Variants in MYSM1 observed in about 807,000 individuals in gnomAD.
MYSM1 encodes Myb like, SWIRM and MPN domains 1.
In MYSM1, 51 loss-of-function variants were observed where a neutral mutation model predicts 116.0. The observed-to-expected ratio is 0.44, with a 90% CI of 0.35 to 0.56. The LOEUF (loss-of-function observed/expected upper bound fraction) is 0.56, where lower values mean the gene tolerates loss of function less well. Ranked by LOEUF, MYSM1 falls within the 20% of genes least tolerant of loss-of-function variation. The pLI, the probability that MYSM1 is intolerant of heterozygous loss-of-function variation, is 0.00. For missense variants in MYSM1, 900 were observed against 974.9 expected (o/e 0.92, Z 1.02); for synonymous variants, 313 against 315.2 (o/e 0.99, Z 0.07).
At chr1:58,678,743 G>C (rs1310671730) in intron 8 of MYSM1, among the ~76,000 whole-genome samples, 1 of 152,136 alleles carries the variant, frequency 6.6e-6, no homozygotes, top group African/African-American at 2.4e-5. Flanking sequence ...AGATATTTTA[G>C]ATAAGCCTCT....
intron 2 of MYSM1, 22 bp from the exon 3 acceptor site, chr1:58,692,953 T>A (rs1200814723): frequency 3.2e-6 from 5 of 1,563,732 alleles, no homozygotes; most frequent in Non-Finnish European, 4.3e-6. Flanking sequence ...GAGAATATAT[T>A]TGTCTTTTTA....
At chr1:58,669,077 G>C (rs1178716142) in intron 12 of MYSM1, 39 bp from the exon 13 acceptor site, 5 of 1,383,910 alleles carry the variant, frequency 3.6e-6, no homozygotes, top group Non-Finnish European at 5.0e-6. Flanking sequence ...ATCTCAACAA[G>C]ATTAGGAAAA....
chr1:58,668,487 G>C, intron 14 of MYSM1, 145 bp downstream of exon 14: 1 of 1,360,602 alleles, frequency 7.3e-7, no homozygotes, highest in Non-Finnish European at 9.5e-7. Context: ...TTCTCCAAAA[G>C]AAAAGACTTA....
At chr1:58,695,105 C>T (rs759391146) in intron 2 of MYSM1, 24 bp downstream of exon 2, 8 of 1,467,876 alleles carry the variant, frequency 5.5e-6, no homozygotes, top group African/African-American at 2.8e-5. Context: ...CTTAATGCAC[C>T]TGATATTTTT....
At chr1:58,698,216 T>C (rs1164563062) in intron 1 of MYSM1, among the ~76,000 whole-genome samples, 1 of 148,468 alleles carries the variant, frequency 6.7e-6, no homozygotes, top group African/African-American at 2.5e-5. Context: ...TTCTCCTGCC[T>C]CAGCCTCCCA....
intron 1 of MYSM1, among the ~76,000 whole-genome samples, chr1:58,698,104 T>TA (rs1557530217): frequency 2.6e-4 from 3 of 11,340 alleles, no homozygotes; most frequent in African/African-American, 8.7e-4. Flanking sequence ...ATATATATAT[T>TA]TTTTTTTTTT....
At chr1:58,674,786 G>A (rs1475429372) in intron 10 of MYSM1, among the ~76,000 whole-genome samples, 1 of 151,834 alleles carries the variant, frequency 6.6e-6, no homozygotes, top group East Asian at 1.9e-4. Context: ...AATTAGCTTG[G>A]TGTGATGGCG....
rs6587838 is a variant in MYSM1 at position 58,699,829 on chromosome 1, C to A, written c.68+156G>T. ...CCTGCCCGCTGGGCTTGGGACAAGC[C>A]GGCGGGCGAGGTGCCTCCCAGGCCA... On this transcript the variant is annotated intron_variant, in intron 1 of 19. Transcript: ENST00000472487. 2,046 of 985,380 alleles carry A rather than the reference C, an allele frequency of 2.1e-3. 29 individuals are homozygous for A. The African/African-American group carries it at 0.032, about 16-fold the overall frequency. The allele number at this position is 985,380 out of a possible 1,614,324, so 61.0% of individuals were successfully genotyped here. A position where few individuals can be genotyped will look rare whatever the true frequency, so the allele number is the denominator to read the frequency against.
intron 1 of MYSM1, among the ~76,000 whole-genome samples, chr1:58,697,759 T>C (rs1458880718): frequency 6.6e-6 from 1 of 151,290 alleles, no homozygotes; most frequent in Non-Finnish European, 1.5e-5. Context: ...CTGGCTAAGT[T>C]TGTATTTTTA....
chr1:58,667,366 C>G (rs1644489404), intron 15 of MYSM1, 140 bp from the exon 16 acceptor site: 1 of 551,728 alleles, frequency 1.8e-6, no homozygotes, highest in Admixed American at 3.8e-5. Context: ...CTTTAACTTG[C>G]AAATGACTTA....
intron 15 of MYSM1, 109 bp downstream of exon 15, chr1:58,667,738 A>G (rs1644495693): frequency 2.9e-6 from 2 of 697,212 alleles, no homozygotes; most frequent in Non-Finnish European, 5.0e-6. Flanking sequence ...TCTCATATAT[A>G]TCATAGGTAA....
chr1:58,682,131 C>T lies in MYSM1; in HGVS notation c.913G>A (p.Asp305Asn), dbSNP rs1644754920. 1 of 1,613,378 alleles carries T rather than the reference C, an allele frequency of 6.2e-7. No homozygotes were observed. The highest frequency in any genetic ancestry group is 1.7e-4 in the Middle Eastern group (1 of 6,058). ...TCATTTAATTCAATTGATTTTTTGT[C>T]ACCATTGCTCTGTTTCTCAGTCCAC... ...TLWTEKQSNG[D>N]KKSIELNDQK... Residue 305 changes from aspartate (D) to asparagine (N), a missense_variant, in exon 8 of 20, where the codon GAC (aspartate) becomes AAC (asparagine). Transcript: ENST00000472487.
intron 2 of MYSM1, among the ~76,000 whole-genome samples, chr1:58,694,831 C>T (rs1644951432): frequency 6.6e-6 from 1 of 152,006 alleles, no homozygotes; most frequent in African/African-American, 2.4e-5. Flanking sequence ...ACCTTGCCCA[C>T]CTACCACTTT....
rs1337940066 is a variant in MYSM1 at position 58,659,051 on chromosome 1, A to G, written c.*946T>C. Reference sequence around the variant, plus strand: ...GCCTGAAAAGCCAAAATTATTTACAAACTGGCCCTTTACATTAAAAAAGTT... The same window carrying G: ...GCCTGAAAAGCCAAAATTATTTACAGACTGGCCCTTTACATTAAAAAAGTT... On this transcript the variant is annotated 3_prime_UTR_variant, in exon 20 of 20. Transcript: ENST00000472487. 2 of 151,742 alleles carry G rather than the reference A, an allele frequency of 1.3e-5. No individual in the cohort carries two copies. Among genetic ancestry groups the G allele is most frequent in the Non-Finnish European group, 2.9e-5 (2 of 67,954 alleles). The allele number at this position is 151,742 out of a possible 1,614,324, so 9.4% of individuals were successfully genotyped here.
intron 6 of MYSM1, among the ~76,000 whole-genome samples, chr1:58,685,855 CAG>C (rs1032127280): frequency 6.6e-6 from 1 of 152,192 alleles, no homozygotes; most frequent in Non-Finnish European, 1.5e-5. Flanking sequence ...CATTACTCAT[CAG>C]AGTTTCTCTT....
chr1:58,660,511 A>G (rs1385295895), intron 19 of MYSM1, among the ~76,000 whole-genome samples: 2 of 152,166 alleles, frequency 1.3e-5, no homozygotes, highest in African/African-American at 2.4e-5. Context: ...ATCTAGGTAC[A>G]TAAAAACATA....
chr1:58,692,730 A>G, intron 3 of MYSM1, 131 bp downstream of exon 3: 1 of 588,074 alleles, frequency 1.7e-6, no homozygotes, highest in Non-Finnish European at 2.9e-6. Flanking sequence ...CATAGGTAAC[A>G]TGAAATTATA....
chr1:58,690,133 C>G (rs1644882689), intron 5 of MYSM1, 93 bp downstream of exon 5: 1 of 1,044,670 alleles, frequency 9.6e-7, no homozygotes, highest in South Asian at 1.7e-5. Flanking sequence ...GTCAAGAGGG[C>G]TTTTCCACAG....
In MYSM1 at chr1:58,665,512, T is replaced by C. The variant is rs1367497476; in HGVS notation, c.2151A>G (p.Pro717=). The change falls in exon 17 of 20, where the codon CCA becomes CCG. Residue 717 remains proline, a synonymous_variant. Transcript: ENST00000472487. ...TTGAAAACTTACGATAAGAGCCATC[T>C]GGGCTAATTTCCTCACTTATAACCA... The part of the protein sequence containing the change: ...TCLVISEEIS[P]DGSYRLPYKF... 1 of 1,598,048 alleles carries C rather than the reference T, an allele frequency of 6.3e-7. No homozygotes were observed. The highest frequency in any genetic ancestry group is 1.3e-5 in the African/African-American group (1 of 74,262).
Sources: allele counts gnomAD v4.1 joint callset (sites outside exome capture counted in the v4.1 genomes callset), GRCh38; gene constraint gnomAD v4.1.1; transcripts MANE v1.5; gene names NCBI Gene and HGNC (gene_info 2026-07-23, HGNC 2026-07-21).